DYSF: variants seen among roughly 807,000 people sequenced by gnomAD.
DYSF encodes the protein dysferlin, also known as dystrophy-associated fer-1-like 1.
DYSF carries 212 observed loss-of-function variants against 274.9 expected under a neutral mutation model. That is an observed-to-expected ratio of 0.77 (90% CI 0.69 to 0.86). The LOEUF (loss-of-function observed/expected upper bound fraction) is 0.86. DYSF is among the 40% of genes least tolerant of loss of function. The probability of loss-of-function intolerance (pLI) is 0.00; values close to 1 mark genes in which losing one functional copy is unlikely to be tolerated. For missense variants in DYSF, 2,666 were observed against 2,783.2 expected (o/e 0.96, Z 0.95); for synonymous variants, 1,091 against 1,078.7 (o/e 1.01, Z -0.22).
At chr2:71,534,904 C>A in intron 14 of DYSF, 117 bp from the exon 15 acceptor site, 6 of 1,100,560 alleles carry the variant, frequency 5.5e-6, no homozygotes, top group Non-Finnish European at 8.3e-6. Context: ...GGGTCTTACA[C>A]CCAGCCCTAA....
intron 46 of DYSF, 118 bp from the exon 47 acceptor site, chr2:71,665,044 A>T: frequency 6.6e-7 from 1 of 1,521,294 alleles, no homozygotes; most frequent in African/African-American, 1.4e-5. Flanking sequence ...TGGGACACCC[A>T]CTGTAAAAGC....
intron 30 of DYSF, among the ~76,000 whole-genome samples, chr2:71,583,217 A>C (rs1159165466): frequency 1.3e-5 from 2 of 152,172 alleles, no homozygotes; most frequent in Admixed American, 1.3e-4. Flanking sequence ...TGCTCTCGTG[A>C]ACCACATGCG....
intron 40 of DYSF, among the ~76,000 whole-genome samples, chr2:71,618,927 G>A (rs537580259): frequency 6.9e-6 from 1 of 144,506 alleles, no homozygotes; most frequent in African/African-American, 2.8e-5. Flanking sequence ...GCTCCCAGGC[G>A]CTGGGGCTGG....
intron 36 of DYSF, among the ~76,000 whole-genome samples, chr2:71,607,068 C>T (rs1026074293): frequency 6.6e-6 from 1 of 152,146 alleles, no homozygotes; most frequent in Non-Finnish European, 1.5e-5. Context: ...CAAATGAACA[C>T]GTGGAGATAG....
chr2:71,578,447 ATGGTGG>A (rs1475063363), intron 30 of DYSF, among the ~76,000 whole-genome samples: 1 of 152,112 alleles, frequency 6.6e-6, no homozygotes, highest in African/African-American at 2.4e-5. Flanking sequence ...CCCTGATCTG[ATGGTGG>A]AGGCCTGGCT....
At chr2:71,499,417 G>A (rs549009857) in intron 3 of DYSF, among the ~76,000 whole-genome samples, 3 of 152,220 alleles carry the variant, frequency 2.0e-5, no homozygotes, top group African/African-American at 7.2e-5. Flanking sequence ...GTTTTGTTTT[G>A]TTCTTACAAT....
intron 3 of DYSF, among the ~76,000 whole-genome samples, chr2:71,500,248 C>T (rs941973523): frequency 6.6e-5 from 10 of 152,192 alleles, no homozygotes; most frequent in Admixed American, 2.6e-4. Flanking sequence ...CTGCGCCCCC[C>T]ACCTCTCCTC....
rs2093749640 is a variant in DYSF, at chr2:71,611,103, C to A, written c.3958-142C>A. The A allele has an allele frequency of 5.4e-6, 4 of 736,856 alleles. No individual in the cohort carries two copies. In the South Asian group the frequency reaches 6.0e-5, roughly 11 times the overall value. The allele number at this position is 736,856 out of a possible 1,614,324, so 45.6% of individuals were successfully genotyped here. A position where few individuals can be genotyped will look rare whatever the true frequency, so the allele number is the denominator to read the frequency against. ...GACTTAGCTTTTTCGTTTCTGCCTC[C>A]CTGTTTGTCCACTTCTGTCTTTCCT... On this transcript the variant is annotated intron_variant, in intron 36 of 55. Coordinates refer to ENST00000410020, the MANE Select transcript of DYSF (RefSeq NM_001130987.2).
intron 14 of DYSF, among the ~76,000 whole-genome samples, chr2:71,533,585 T>C (rs1173548487): frequency 6.6e-6 from 1 of 152,230 alleles, no homozygotes; most frequent in Non-Finnish European, 1.5e-5. Flanking sequence ...CTCACACATA[T>C]GTCATTCCTC....
rs1421130483 is a variant in DYSF at position 71,568,166 on chromosome 2, C to T, written c.2698-6C>T. The T allele has an allele frequency of 6.2e-7, 1 of 1,614,228 alleles. No homozygotes were observed. Among genetic ancestry groups the T allele is most frequent in the Non-Finnish European group, 8.5e-7 (1 of 1,180,044 alleles). On this transcript the variant is annotated splice_region_variant and splice_polypyrimidine_tract_variant and intron_variant, in intron 25 of 55. Transcript: ENST00000410020. ...TGCTCACGCCTCATTCTTCCTGGCC[C>T]TCCAGTATGAGAACGAGACTAAGTT...
chr2:71,641,240 G>A (rs111613373), intron 41 of DYSF, among the ~76,000 whole-genome samples: 7,048 of 145,276 alleles, frequency 0.049, 583 homozygotes, highest in African/African-American at 0.17. Flanking sequence ...GTGCAGTGGC[G>A]CAATCTCGGC....
intron 39 of DYSF, 97 bp from the exon 40 acceptor site, chr2:71,613,237 G>T: frequency 9.7e-7 from 1 of 1,035,664 alleles, no homozygotes; most frequent in Non-Finnish European, 1.5e-6. Context: ...GAGACTGCAG[G>T]GTCTTGTCTT....
rs17007067 is a variant in DYSF at position 71,564,447 on chromosome 2, G to T, written c.2565+234G>T. On this transcript the variant is annotated intron_variant, in intron 24 of 55. Transcript: ENST00000410020. ...GTAGGTTTGAGCCGGAATCACTGGC[G>T]CTGGGAGTGAATGAGGTGGAGTCTG... is the stretch of plus-strand genomic sequence containing the variant. 0.17 allele frequency among the ~76,000 whole-genome samples: 25,491 copies of T among 152,160 alleles called. 2,451 individuals are homozygous for T. The highest frequency in any genetic ancestry group is 0.24 in the African/African-American group (9,828 of 41,506).
At chr2:71,660,717 G>A (rs1361907393) in intron 45 of DYSF, 66 bp downstream of exon 45, 1 of 1,378,442 alleles carries the variant, frequency 7.3e-7, no homozygotes, top group African/African-American at 1.4e-5. Flanking sequence ...GTCTAGTGGG[G>A]GAGATGTGAC....
chr2:71,566,588 G>A lies in DYSF; in HGVS notation c.2566-1363G>A, dbSNP rs2092121226. On this transcript the variant is annotated intron_variant, in intron 24 of 55. Coordinates refer to ENST00000410020, the MANE Select transcript of DYSF (RefSeq NM_001130987.2). ...TTTCTTTATTTGCTGTTGCTATTTT[G>A]GGTCCAGCAGGCTGGCCCCGTCTCG... 2.0e-5 allele frequency among the ~76,000 whole-genome samples: 3 copies of A among 152,116 alleles called. No homozygotes were observed. The South Asian group carries it at 6.3e-4, about 32-fold the overall frequency.
At chr2:71,629,469 T>G (rs1026751992) in intron 41 of DYSF, among the ~76,000 whole-genome samples, 3 of 152,358 alleles carry the variant, frequency 2.0e-5, no homozygotes, top group South Asian at 4.1e-4. Context: ...GCCTAGTTCC[T>G]TATGTGTTTG....
chr2:71,669,513 C>T (rs1302577023), intron 50 of DYSF, 92 bp from the exon 51 acceptor site: 18 of 1,510,488 alleles, frequency 1.2e-5, no homozygotes, highest in South Asian at 6.8e-5. Flanking sequence ...AGCTCATTTA[C>T]CTTCTTAACT....
At position 71,466,800 on chromosome 2, in the gene DYSF, C is replaced by CCGCCCT; in HGVS notation, c.-42_-37dup. 1.3e-6 allele frequency: 2 copies of CCGCCCT among 1,483,180 alleles called. No individual in the cohort carries two copies. Among genetic ancestry groups the CCGCCCT allele is most frequent in the Non-Finnish European group, 1.8e-6 (2 of 1,103,148 alleles). The allele number at this position is 1,483,180 out of a possible 1,614,324, so 91.9% of individuals were successfully genotyped here. A position where few individuals can be genotyped will look rare whatever the true frequency, so the allele number is the denominator to read the frequency against. On this transcript the variant is annotated 5_prime_UTR_variant, in exon 1 of 56. Transcript: ENST00000410020. Reference sequence around the variant, plus strand: ...GTGCTCGGGCCCGGTGCTCCCGCTCCCGCCCTGACTGCGCGCCTGTGTGCC... The same window carrying CCGCCCT: ...GTGCTCGGGCCCGGTGCTCCCGCTCCCGCCCTCGCCCTGACTGCGCGCCTGTGTGCC...
At chr2:71,518,469 C>G (rs111456843) in intron 10 of DYSF, among the ~76,000 whole-genome samples, 19,008 of 148,786 alleles carry the variant, frequency 0.13, 1,269 homozygotes, top group African/African-American at 0.14. Context: ...GTTTCACCAT[C>G]TTGGTCAGTC....
Sources: allele counts gnomAD v4.1 joint callset (sites outside exome capture counted in the v4.1 genomes callset), GRCh38; gene constraint gnomAD v4.1.1; transcripts MANE v1.5; gene names NCBI Gene and HGNC (gene_info 2026-07-23, HGNC 2026-07-21).